Variants in SMAP1 observed in about 807,000 individuals in gnomAD.
The protein encoded by SMAP1 is small ArfGAP 1.
SMAP1 carries 24 observed loss-of-function variants against 58.5 expected under a neutral mutation model. That is an observed-to-expected ratio of 0.41 (90% CI 0.30 to 0.58). SMAP1 has a LOEUF of 0.58. Ranked by LOEUF, SMAP1 falls within the 20% of genes least tolerant of loss-of-function variation. SMAP1 has a pLI of 0.29. For synonymous variants in SMAP1, 216 were observed against 196.6 expected, an observed-to-expected ratio of 1.10 and a Z score of -0.82; for missense variants, 563 against 566.3, an observed-to-expected ratio of 0.99 and a Z score of 0.06.
chr6:70,703,561 A>G (rs1767722877), intron 1 of SMAP1, among the ~76,000 whole-genome samples: 1 of 152,130 alleles, frequency 6.6e-6, no homozygotes, highest in East Asian at 1.9e-4. Flanking sequence ...TAATTTTTCC[A>G]TTAGTGAGGC....
chr6:70,671,012 C>A (rs1016773374), intron 1 of SMAP1, among the ~76,000 whole-genome samples: 13 of 152,292 alleles, frequency 8.5e-5, no homozygotes, highest in Admixed American at 3.9e-4. Context: ...TGGAACTACT[C>A]CTCCTCTCTC....
intron 6 of SMAP1, among the ~76,000 whole-genome samples, chr6:70,824,557 A>G (rs1319093247): frequency 6.6e-6 from 1 of 152,176 alleles, no homozygotes; most frequent in Non-Finnish European, 1.5e-5. Context: ...CATTCTTAAT[A>G]TGAATTTTAT....
intron 5 of SMAP1, among the ~76,000 whole-genome samples, chr6:70,794,913 C>T (rs749772071): frequency 1.4e-4 from 22 of 151,810 alleles, no homozygotes; most frequent in Admixed American, 7.2e-4. Context: ...CTCAGCCTCC[C>T]GAGTAGCTGG....
intron 1 of SMAP1, among the ~76,000 whole-genome samples, chr6:70,669,557 T>C (rs1476109502): frequency 6.6e-6 from 1 of 152,262 alleles, no homozygotes; most frequent in South Asian, 2.1e-4. Context: ...CTTGTAATAC[T>C]TGTTTTCCTA....
chr6:70,691,865 T>C (rs1344436239), intron 1 of SMAP1, among the ~76,000 whole-genome samples: 2 of 152,242 alleles, frequency 1.3e-5, no homozygotes, highest in Non-Finnish European at 2.9e-5. Context: ...CCCCTGTTGA[T>C]GGACACTTAG....
At chr6:70,760,727 A>T (rs1054463688) in intron 3 of SMAP1, among the ~76,000 whole-genome samples, 5 of 152,032 alleles carry the variant, frequency 3.3e-5, no homozygotes, top group Admixed American at 3.3e-4. Flanking sequence ...TCATCCCTAG[A>T]GCAAGTATAA....
intron 3 of SMAP1, among the ~76,000 whole-genome samples, chr6:70,771,162 G>T (rs955143021): frequency 2.0e-5 from 3 of 152,162 alleles, no homozygotes; most frequent in Admixed American, 2.0e-4. Flanking sequence ...TGCCCCTACT[G>T]GGGGGTGCCT....
intron 2 of SMAP1, among the ~76,000 whole-genome samples, chr6:70,747,193 C>T (rs995184732): frequency 1.3e-5 from 2 of 152,084 alleles, no homozygotes; most frequent in Non-Finnish European, 1.5e-5. Flanking sequence ...AAGAAAGTGG[C>T]TTTTAAAAAA....
intron 1 of SMAP1, among the ~76,000 whole-genome samples, chr6:70,689,716 A>G (rs1215868435): frequency 1.3e-5 from 2 of 152,102 alleles, no homozygotes; most frequent in African/African-American, 2.4e-5. Flanking sequence ...TATCTCTCCA[A>G]TTATTTAGAT....
At chr6:70,745,156 G>A (rs1765976521) in intron 2 of SMAP1, among the ~76,000 whole-genome samples, 2 of 152,136 alleles carry the variant, frequency 1.3e-5, no homozygotes, top group African/African-American at 2.4e-5. Context: ...TTCTTTTGCT[G>A]TGCAGAAGCT....
intron 7 of SMAP1, among the ~76,000 whole-genome samples, chr6:70,838,434 C>T (rs1047976352): frequency 1.3e-5 from 2 of 152,040 alleles, no homozygotes; most frequent in African/African-American, 4.8e-5. Context: ...AGTGAATAAA[C>T]AATTAAATAA....
In SMAP1 at chr6:70,693,315, T is replaced by C. The variant is rs1203282709; in HGVS notation, c.118+25174T>C. On this transcript the variant is annotated intron_variant, in intron 1 of 10. Transcript: ENST00000370455. ...GTCATCTTCTTTTTTTTTTTTTTTT[T>C]TTTTTTTAAGACAGAGTCTTGCTCT... Among the ~76,000 whole-genome samples, 34 of 148,590 alleles carry C rather than the reference T, an allele frequency of 2.3e-4. No individual in the cohort carries two copies. In the East Asian group the frequency reaches 6.7e-3, roughly 29 times the overall value.
chr6:70,805,347 C>G (rs1030260392), intron 6 of SMAP1, among the ~76,000 whole-genome samples: 2 of 152,140 alleles, frequency 1.3e-5, no homozygotes, highest in African/African-American at 4.8e-5. Context: ...GCTTTCAGCT[C>G]CATCAGGTCA....
At chr6:70,783,227 C>G (rs1356024819) in intron 4 of SMAP1, among the ~76,000 whole-genome samples, 1 of 152,202 alleles carries the variant, frequency 6.6e-6, no homozygotes, top group African/African-American at 2.4e-5. Context: ...TCCAACAGAC[C>G]TGCAGCTGAG....
At chr6:70,707,146 TG>T (rs2149834216) in intron 1 of SMAP1, among the ~76,000 whole-genome samples, 1 of 152,300 alleles carries the variant, frequency 6.6e-6, no homozygotes, top group Non-Finnish European at 1.5e-5. Context: ...TATGATGTAC[TG>T]GAATTTGGAT....
chr6:70,694,208 A>G (rs1767305076), intron 1 of SMAP1: 3 of 285,892 alleles, frequency 1.0e-5, no homozygotes, highest in Non-Finnish European at 2.1e-5. Flanking sequence ...ACTGATGGAT[A>G]AGGCATCTCA....
At chr6:70,850,544 A>G (rs574683709) in intron 7 of SMAP1, among the ~76,000 whole-genome samples, 1 of 151,278 alleles carries the variant, frequency 6.6e-6, no homozygotes, top group East Asian at 1.9e-4. Context: ...TTGTACATAT[A>G]TAAGTATATA....
chr6:70,696,029 T>C (rs1283837421), intron 1 of SMAP1, among the ~76,000 whole-genome samples: 1 of 152,208 alleles, frequency 6.6e-6, no homozygotes, highest in African/African-American at 2.4e-5. Context: ...TAGGAAATTA[T>C]CCATTTCGTC....
intron 4 of SMAP1, among the ~76,000 whole-genome samples, chr6:70,788,770 A>C (rs1422853825): frequency 6.6e-6 from 1 of 152,200 alleles, no homozygotes; most frequent in East Asian, 1.9e-4. Context: ...TAGAGATGAC[A>C]CTTGTGGCCT....
Sources: gnomAD v4.1 joint callset for allele counts (sites outside exome capture counted in the v4.1 genomes callset) on GRCh38, gnomAD v4.1.1 for gene constraint, MANE v1.5 for transcripts, NCBI Gene and HGNC (gene_info 2026-07-23, HGNC 2026-07-21) for gene names.